The following ZFP90 variants were observed in gnomAD, a reference collection of about 807,000 sequenced individuals.
ZFP90 encodes the protein zinc finger protein 90 homolog.
ZFP90 carries 38 observed loss-of-function variants against 60.8 expected under a neutral mutation model. The observed-to-expected ratio is 0.62, with a 90% CI of 0.48 to 0.82. The LOEUF is 0.82. Among genes scored for constraint, ZFP90 ranks in the 40% least tolerant of loss-of-function variants. The pLI is 0.00. For synonymous variants in ZFP90, 287 were observed against 264.8 expected, an observed-to-expected ratio of 1.08 and a Z score of -0.82; for missense variants, 711 against 759.1, an observed-to-expected ratio of 0.94 and a Z score of 0.74.
intron 2 of ZFP90, among the ~76,000 whole-genome samples, chr16:68,545,257 T>G (rs553732788): frequency 3.3e-5 from 5 of 152,148 alleles, no homozygotes; most frequent in African/African-American, 1.2e-4. Flanking sequence ...GGTTTTGTAC[T>G]CTTTCAGAGT....
At chr16:68,557,395 T>C in intron 2 of ZFP90, 2 of 395,352 alleles carry the variant, frequency 5.1e-6, no homozygotes, top group Non-Finnish European at 1.0e-5. Context: ...TGTGGAGTAC[T>C]ATGAAGCAGT....
chr16:68,558,834 TC>T (rs1273128311), intron 4 of ZFP90, among the ~76,000 whole-genome samples: 3 of 152,166 alleles, frequency 2.0e-5, no homozygotes, highest in Non-Finnish European at 4.4e-5. Context: ...CCATATTTCT[TC>T]CCTGAATTGA....
intron 4 of ZFP90, among the ~76,000 whole-genome samples, chr16:68,560,487 G>T (rs949192696): frequency 1.3e-5 from 2 of 152,112 alleles, no homozygotes; most frequent in Admixed American, 1.3e-4. Flanking sequence ...ATATTCCATT[G>T]TATGGATATA....
rs773889887 is a variant in ZFP90 at position 68,565,327 on chromosome 16, T to C, written c.*629T>C. On this transcript the variant is annotated 3_prime_UTR_variant, in exon 5 of 5. Coordinates refer to ENST00000563169, the MANE Select transcript of ZFP90 (RefSeq NM_001305203.2). ...GCCTTGCCAGTGAAAAGGTTATTTT[T>C]GGACTCAGAGGGCTTTAAAATAAAT... 3.2e-5 allele frequency: 32 copies of C among 985,470 alleles called. No individual in the cohort carries two copies. Among genetic ancestry groups the C allele is most frequent in the Non-Finnish European group, 3.6e-5 (30 of 829,958 alleles). 61.0% of individuals were successfully genotyped at this position (985,470 alleles called of 1,614,324 possible).
chr16:68,557,927 G>C, intron 2 of ZFP90, 71 bp from the exon 3 acceptor site: 1 of 1,594,858 alleles, frequency 6.3e-7, no homozygotes, highest in Non-Finnish European at 8.6e-7. Context: ...AGCTCCTGCA[G>C]TATGTTCCCA....
At chr16:68,545,876 G>C (rs2091141407) in intron 2 of ZFP90, among the ~76,000 whole-genome samples, 1 of 150,748 alleles carries the variant, frequency 6.6e-6, no homozygotes, top group Non-Finnish European at 1.5e-5. Flanking sequence ...TATTACTTTT[G>C]TTAAAGTATA....
At chr16:68,549,251 A>G (rs951051071) in intron 2 of ZFP90, among the ~76,000 whole-genome samples, 1 of 152,162 alleles carries the variant, frequency 6.6e-6, no homozygotes, top group African/African-American at 2.4e-5. Context: ...GCTCTTTGAT[A>G]ATGAACCACC....
chr16:68,564,158 A>G lies in ZFP90; in HGVS notation c.1371A>G (p.Glu457=), dbSNP rs1033413063. ...CCTACCATTGTAATGACTGTGGGGAAGACTTTAGTCACATTACAGACTTTA... is the reference window on the plus strand; with the variant it reads ...CCTACCATTGTAATGACTGTGGGGAGGACTTTAGTCACATTACAGACTTTA... The part of the protein sequence containing the change: ...VKSYHCNDCG[E]DFSHITDFTD... Residue 457 remains glutamate, a synonymous_variant, in exon 5 of 5, where the codon GAA becomes GAG. Coordinates refer to ENST00000563169, the MANE Select transcript of ZFP90 (RefSeq NM_001305203.2). 2 of 1,614,210 alleles carry G rather than the reference A, an allele frequency of 1.2e-6. No individual in the cohort carries two copies. The highest frequency in any genetic ancestry group is 1.7e-6 in the Non-Finnish European group (2 of 1,180,032).
In ZFP90 at chr16:68,564,571, AC is replaced by A; in HGVS notation, c.1786del (p.Leu596CysfsTer55). The A allele has an allele frequency of 6.2e-7, 1 of 1,614,076 alleles. No individual in the cohort carries two copies. The highest frequency in any genetic ancestry group is 8.5e-7 in the Non-Finnish European group (1 of 1,179,986). On this transcript the variant is annotated frameshift_variant, in exon 5 of 5. Transcript: ENST00000563169. LOFTEE classifies it high-confidence loss of function. ...ECGRAFRKKT[N>X]LHDHQRIHTG... ...GGGAGAGCCTTCCGAAAAAAAACCAACCTGCATGATCATCAGAGAATTCATA... is the reference window on the plus strand; with the variant it reads ...GGGAGAGCCTTCCGAAAAAAAACCAACTGCATGATCATCAGAGAATTCATA...
At chr16:68,558,412 T>C in intron 3 of ZFP90, 61 bp from the exon 4 acceptor site, 2 of 1,487,794 alleles carry the variant, frequency 1.3e-6, no homozygotes, top group Non-Finnish European at 1.9e-6. Flanking sequence ...GACTTGTCCT[T>C]AGGAGGGTTC....
chr16:68,544,103 C>G (rs1405323413), intron 2 of ZFP90, among the ~76,000 whole-genome samples: 1 of 152,196 alleles, frequency 6.6e-6, no homozygotes, highest in Non-Finnish European at 1.5e-5. Context: ...ATCCACCCAC[C>G]TTGGCCTCCC....
At chr16:68,538,301 A>G (rs943189546), upstream of ZFP90, among the ~76,000 whole-genome samples, 4 of 152,236 alleles carry the variant, frequency 2.6e-5, no homozygotes, top group Non-Finnish European at 5.9e-5. Flanking sequence ...CCATGTTGGT[A>G]TGCAATGCTC....
chr16:68,535,321 G>C (rs7192341), upstream of ZFP90, among the ~76,000 whole-genome samples: 122,992 of 152,192 alleles, frequency 0.81, 49,931 homozygotes, highest in African/African-American at 0.89. Context: ...ATCCACCAAC[G>C]CCCCTACTCA....
At position 68,565,075 on chromosome 16, in the gene ZFP90, T is replaced by C. The variant is rs1282697376; in HGVS notation, c.*377T>C. 1.0e-6 allele frequency: 1 copy of C among 999,228 alleles called. No individual in the cohort carries two copies. Among genetic ancestry groups the C allele is most frequent in the African/African-American group, 1.7e-5 (1 of 57,678 alleles). The allele number at this position is 999,228 out of a possible 1,614,324, so 61.9% of individuals were successfully genotyped here. A position where few individuals can be genotyped will look rare whatever the true frequency, so the allele number is the denominator to read the frequency against. On this transcript the variant is annotated 3_prime_UTR_variant, in exon 5 of 5. Coordinates refer to ENST00000563169, the MANE Select transcript of ZFP90 (RefSeq NM_001305203.2). ...AATGACCAAAACCCATTTTAAAAAT[T>C]GCTTGACAACTGCACTCAACTGCAG...
rs1348527894 is a variant in ZFP90 at position 68,565,593 on chromosome 16, C to T, written c.*895C>T. ...TTTCAGCTAACATATGCCAGTTTCA[C>T]AGAACTATTAAGTCCCCTTATTGTA... On this transcript the variant is annotated 3_prime_UTR_variant, in exon 5 of 5. Transcript: ENST00000563169. 1 of 985,428 alleles carries T rather than the reference C, an allele frequency of 1.0e-6. No homozygotes were observed. Among genetic ancestry groups the T allele is most frequent in the Non-Finnish European group, 1.2e-6 (1 of 829,938 alleles). The allele number at this position is 985,428 out of a possible 1,614,324, so 61.0% of individuals were successfully genotyped here.
chr16:68,554,357 G>A (rs949343897), intron 2 of ZFP90, among the ~76,000 whole-genome samples: 12 of 152,152 alleles, frequency 7.9e-5, no homozygotes, highest in Admixed American at 3.9e-4. Flanking sequence ...GGCCATGCTG[G>A]TCTTGAACTC....
upstream of ZFP90, among the ~76,000 whole-genome samples, chr16:68,535,194 G>A (rs1249134132): frequency 1.3e-5 from 2 of 152,176 alleles, no homozygotes; most frequent in African/African-American, 4.8e-5. Flanking sequence ...ACTGTTAGCC[G>A]AGAACCAATT....
At chr16:68,544,578 A>G (rs821166) in intron 2 of ZFP90, among the ~76,000 whole-genome samples, 87,897 of 151,966 alleles carry the variant, frequency 0.58, 25,964 homozygotes, top group East Asian at 0.82. Flanking sequence ...TGGATTACAG[A>G]AGCTCTGGTT....
chr16:68,540,831 T>TAAAAAA (rs2091033947), intron 2 of ZFP90, among the ~76,000 whole-genome samples: 1 of 116,828 alleles, frequency 8.6e-6, no homozygotes, highest in Admixed American at 1.1e-4. Flanking sequence ...AAAAAAAAAA[T>TAAAAAA]TTAAAAGATA....
Sources: gnomAD v4.1 joint callset for allele counts (sites outside exome capture counted in the v4.1 genomes callset) on GRCh38, gnomAD v4.1.1 for gene constraint, MANE v1.5 for transcripts, NCBI Gene and HGNC (gene_info 2026-07-23, HGNC 2026-07-21) for gene names.